The following BARX2 variants were observed in gnomAD, a reference collection of about 807,000 sequenced individuals.
BARX2 encodes BARX homeobox 2.
In BARX2, 11 loss-of-function variants were observed where a neutral mutation model predicts 25.5. The observed-to-expected ratio is 0.43, with a 90% CI of 0.27 to 0.71. BARX2 has a LOEUF of 0.71. Among genes scored for constraint, BARX2 ranks in the 30% least tolerant of loss-of-function variants. The pLI is 0.19. For synonymous variants in BARX2, 137 were observed against 149.5 expected (o/e 0.92, Z 0.61); for missense variants, 360 against 359.9 (o/e 1.00, Z 0.00).
intron 1 of BARX2, among the ~76,000 whole-genome samples, chr11:129,403,868 A>G (rs1011132819): frequency 6.6e-6 from 1 of 152,030 alleles, no homozygotes; most frequent in Non-Finnish European, 1.5e-5. Flanking sequence ...GGGACTACAG[A>G]TGTGTGCTGC....
chr11:129,407,785 G>A (rs1255197670), intron 1 of BARX2, among the ~76,000 whole-genome samples: 1 of 152,074 alleles, frequency 6.6e-6, no homozygotes, highest in Non-Finnish European at 1.5e-5. Flanking sequence ...GTAGGGGTGT[G>A]ATAAAAATGC....
In BARX2 at chr11:129,390,333, G is replaced by A. The variant is rs952587945; in HGVS notation, c.187+14111G>A. ...GGAGTGGCATGTATTTATGAAGAGT[G>A]AGAAGGCTGACTTTGTCCCCTAGGG... On this transcript the variant is annotated intron_variant, in intron 1 of 3. Transcript: ENST00000281437. This position sits in a 1 kb window ranked among gnomAD's most constrained non-coding sequence, Gnocchi z 4.3. Among the ~76,000 whole-genome samples, 3 of 152,144 alleles carry A rather than the reference G, an allele frequency of 2.0e-5. No homozygotes were observed. Among genetic ancestry groups the A allele is most frequent in the African/African-American group, 7.2e-5 (3 of 41,448 alleles).
chr11:129,403,537 C>T (rs1480708401), intron 1 of BARX2, among the ~76,000 whole-genome samples: 1 of 152,162 alleles, frequency 6.6e-6, no homozygotes, highest in Non-Finnish European at 1.5e-5. Flanking sequence ...TGCCCCGCTT[C>T]CCCTTATGAC....
chr11:129,446,039 A>G (rs1862324120), intron 3 of BARX2, among the ~76,000 whole-genome samples: 1 of 152,198 alleles, frequency 6.6e-6, no homozygotes, highest in African/African-American at 2.4e-5. Flanking sequence ...GAACCGAGAT[A>G]GCATCTCTGA....
intron 1 of BARX2, among the ~76,000 whole-genome samples, chr11:129,403,695 G>A (rs940008175): frequency 2.6e-5 from 4 of 152,158 alleles, no homozygotes; most frequent in Admixed American, 1.3e-4. Context: ...ATTACAATTG[G>A]AGTTTGGATC....
At chr11:129,413,720 G>A (rs568198299) in intron 1 of BARX2, among the ~76,000 whole-genome samples, 7 of 152,192 alleles carry the variant, frequency 4.6e-5, no homozygotes, top group East Asian at 1.9e-4. Context: ...AGGTGTCATC[G>A]GCACCTTGGA....
At chr11:129,388,497 CT>C (rs1234272607) in intron 1 of BARX2, among the ~76,000 whole-genome samples, 1 of 152,160 alleles carries the variant, frequency 6.6e-6, no homozygotes, top group Non-Finnish European at 1.5e-5. Flanking sequence ...GGAATTCCTA[CT>C]CATTCATTCA....
chr11:129,383,686 C>T (rs1861590814), intron 1 of BARX2, among the ~76,000 whole-genome samples: 1 of 152,148 alleles, frequency 6.6e-6, no homozygotes, highest in African/African-American at 2.4e-5. Flanking sequence ...CCTCCATGCA[C>T]AGGTCAAAAG....
At chr11:129,386,012 C>T (rs1316738853) in intron 1 of BARX2, among the ~76,000 whole-genome samples, 1 of 152,174 alleles carries the variant, frequency 6.6e-6, no homozygotes, top group African/African-American at 2.4e-5. Context: ...CTGAAACAAC[C>T]ACTGTGGCTT....
In BARX2 at chr11:129,376,275, T is replaced by C; in HGVS notation, c.187+53T>C. On this transcript the variant is annotated intron_variant, in intron 1 of 3. Transcript: ENST00000281437. This position sits in a 1 kb window ranked among gnomAD's most constrained non-coding sequence, Gnocchi z 4.2. ...GGGTTCGGTAGCTTTCACGTCCGTGTAGGTGGCCTGTGCTTTGCGATCCGA... is the reference window on the plus strand; with the variant it reads ...GGGTTCGGTAGCTTTCACGTCCGTGCAGGTGGCCTGTGCTTTGCGATCCGA... 1.3e-6 allele frequency: 2 copies of C among 1,508,250 alleles called. No individual in the cohort carries two copies. Among genetic ancestry groups the C allele is most frequent in the South Asian group, 1.2e-5 (1 of 81,914 alleles). The allele number at this position is 1,508,250 out of a possible 1,614,324, so 93.4% of individuals were successfully genotyped here.
chr11:129,412,095 AC>A (rs1447784247), intron 1 of BARX2, among the ~76,000 whole-genome samples: 3 of 151,882 alleles, frequency 2.0e-5, no homozygotes, highest in African/African-American at 7.3e-5. Flanking sequence ...ACATGGTGAA[AC>A]CCCGTCTCTA....
intron 1 of BARX2, among the ~76,000 whole-genome samples, chr11:129,427,108 A>G (rs942369453): frequency 6.6e-6 from 1 of 152,210 alleles, no homozygotes; most frequent in Non-Finnish European, 1.5e-5. Flanking sequence ...AATTTGGCTC[A>G]ATCACTGAGC....
At chr11:129,385,640 G>A (rs1261558228) in intron 1 of BARX2, among the ~76,000 whole-genome samples, 2 of 152,136 alleles carry the variant, frequency 1.3e-5, no homozygotes, top group East Asian at 3.8e-4. Flanking sequence ...AGTGGGGAGT[G>A]CTAACCACAG....
intron 1 of BARX2, among the ~76,000 whole-genome samples, chr11:129,414,051 C>G (rs61911200): frequency 1.4e-5 from 2 of 145,236 alleles, no homozygotes; most frequent in East Asian, 3.9e-4. Flanking sequence ...GGGAGGCAGA[C>G]GGAGACTCCA....
intron 1 of BARX2, among the ~76,000 whole-genome samples, chr11:129,415,348 C>T (rs1328172037): frequency 6.6e-6 from 1 of 152,146 alleles, no homozygotes; most frequent in East Asian, 1.9e-4. Context: ...CTTTAAGCCC[C>T]AGAAGCCATC....
chr11:129,391,743 A>AG (rs1282859528), intron 1 of BARX2, among the ~76,000 whole-genome samples: 2 of 152,092 alleles, frequency 1.3e-5, no homozygotes, highest in African/African-American at 4.8e-5. Context: ...CTGCACGGAG[A>AG]GGGGGGTCAA....
At chr11:129,408,559 G>C (rs1161554118) in intron 1 of BARX2, among the ~76,000 whole-genome samples, 1 of 152,086 alleles carries the variant, frequency 6.6e-6, no homozygotes, top group Non-Finnish European at 1.5e-5. Context: ...TAGAACATAA[G>C]CTTTTCCGTG....
At chr11:129,429,215 G>A (rs2135407795) in intron 1 of BARX2, among the ~76,000 whole-genome samples, 1 of 152,214 alleles carries the variant, frequency 6.6e-6, no homozygotes, top group African/African-American at 2.4e-5. Context: ...GCTTTCTTTA[G>A]AGTCTAACAA....
Position 129,452,031 on chromosome 11 carries a change from T to TG in BARX2, c.*629_*630insG, listed in dbSNP as rs1491171201. 6.9e-5 allele frequency: 9 copies of TG among 130,814 alleles called. No individual in the cohort carries two copies. Among genetic ancestry groups the TG allele is most frequent in the African/African-American group, 3.1e-4 (9 of 28,970 alleles). The allele number at this position is 130,814 out of a possible 1,614,324, so 8.1% of individuals were successfully genotyped here. On this transcript the variant is annotated 3_prime_UTR_variant, in exon 4 of 4. Transcript: ENST00000281437. ...AGACCCAAGAACTGATAAGCTTTGG[T>TG]TTTTTTTTTGTTTTGTTTTGTTTTT... is the stretch of plus-strand genomic sequence containing the variant.
Sources: allele counts gnomAD v4.1 joint callset (sites outside exome capture counted in the v4.1 genomes callset), GRCh38; gene constraint gnomAD v4.1.1; non-coding constraint Gnocchi (gnomAD v3.1); transcripts MANE v1.5; gene names NCBI Gene and HGNC (gene_info 2026-07-23, HGNC 2026-07-21).